The following ATG2A variants were observed in gnomAD, a reference collection of about 807,000 sequenced individuals.
The protein encoded by ATG2A is autophagy-related protein 2 homolog A.
ATG2A carries 103 observed loss-of-function variants against 214.2 expected under a neutral mutation model. The observed-to-expected ratio is 0.48, with a 90% confidence interval of 0.41 to 0.57. The LOEUF (loss-of-function observed/expected upper bound fraction) is 0.57, where lower values mean the gene tolerates loss of function less well. Among genes scored for constraint, ATG2A ranks in the 20% least tolerant of loss-of-function variants. The probability of loss-of-function intolerance (pLI) is 0.00; values close to 1 mark genes in which losing one functional copy is unlikely to be tolerated. For missense variants in ATG2A, 2,312 were observed against 2,613.2 expected (o/e 0.88, Z 2.51); for synonymous variants, 1,160 against 1,142.1 (o/e 1.02, Z -0.32).
At chr11:64,902,776 C>G in intron 26 of ATG2A, 96 bp from the exon 27 acceptor site, 1 of 1,138,012 alleles carries the variant, frequency 8.8e-7, no homozygotes, top group Non-Finnish European at 1.3e-6. Flanking sequence ...AGTTCTGATC[C>G]TGCCACAGGC....
chr11:64,916,098 A>C (rs547017525), intron 1 of ATG2A, among the ~76,000 whole-genome samples: 1 of 152,288 alleles, frequency 6.6e-6, no homozygotes, highest in African/African-American at 2.4e-5. Flanking sequence ...ATCGACCAGG[A>C]CGCGCCTCTA....
In ATG2A at chr11:64,911,890, GCA is replaced by G; in HGVS notation, c.1178_1179del (p.Val393AlafsTer31). The G allele has an allele frequency of 6.2e-7, 1 of 1,613,510 alleles. No homozygotes were observed. The highest frequency in any genetic ancestry group is 8.5e-7 in the Non-Finnish European group (1 of 1,179,840). ...SLSDVDLASS[V>X]RSDMASRRLS... Reference sequence around the variant, plus strand: ...AGCCGGCGGGAGGCCATGTCGCTGCGCACAGAGGAGGCCAGGTCTACATCGGA... The same window carrying G: ...AGCCGGCGGGAGGCCATGTCGCTGCGCAGAGGAGGCCAGGTCTACATCGGA... On this transcript the variant is annotated frameshift_variant, in exon 9 of 41. Transcript: ENST00000377264. LOFTEE classifies it high-confidence loss of function.
chr11:64,908,164 TCCTAG>T (rs1944628399), intron 16 of ATG2A, among the ~76,000 whole-genome samples: 1 of 152,224 alleles, frequency 6.6e-6, no homozygotes, highest in African/African-American at 2.4e-5. Context: ...ACGCCTGTAA[TCCTAG>T]CACTTTGGGA....
chr11:64,913,322 G>T lies in ATG2A; in HGVS notation c.670C>A (p.His224Asn). 9 of 1,608,044 alleles carry T rather than the reference G, an allele frequency of 5.6e-6. No individual in the cohort carries two copies. The highest frequency in any genetic ancestry group is 7.6e-6 in the Non-Finnish European group (9 of 1,178,318). The change falls in exon 5 of 41, where the codon CAC (histidine) becomes AAC (asparagine). Residue 224 changes from histidine (H) to asparagine (N), a missense_variant. Physicochemically the swap from His to Asn is moderately conservative, Grantham distance 68 (BLOSUM62 1). Transcript: ENST00000377264. This position sits in a 1 kb window ranked among gnomAD's most constrained non-coding sequence, Gnocchi z 4.3. ...VDVHQPPAFL[H>N]KLLQLAGVRL... ...ACCCCTGCCAGCTGCAGCAGCTTGT[G>T]CAGGAAGGCAGGCGGCTGATGCACG...
rs145385528 is a variant in ATG2A, at chr11:64,895,138, G to A, written c.5652C>T (p.Gly1884=). ...GCTGGCGGATCACGCCCCCCACGGC[G>A]CCCGTCAGCCCCTTCTGCTCATGGC... ...SRGHEQKGLT[G]AVGGVIRQLP... Residue 1884 remains glycine, a synonymous_variant, in exon 41 of 41, where the codon GGC becomes GGT. Transcript: ENST00000377264. The surrounding 1 kb of genome is among the most constrained non-coding windows in gnomAD (Gnocchi z 5.0). 1.4e-4 allele frequency: 229 copies of A among 1,613,046 alleles called. 2 individuals are homozygous for A. In the African/African-American group the frequency reaches 2.7e-3, roughly 19 times the overall value.
chr11:64,903,686 G>A lies in ATG2A; in HGVS notation c.3465-26C>T. 6.5e-7 allele frequency: 1 copy of A among 1,543,618 alleles called. No individual in the cohort carries two copies. ...CTGGGGGGGAACAGGGCTGAGAAGG[G>A]CCCGGGCACCGCTGCAGGGGGCAGC... On this transcript the variant is annotated intron_variant, in intron 24 of 40. Coordinates refer to ENST00000377264, the MANE Select transcript of ATG2A (RefSeq NM_015104.3). The surrounding 1 kb of genome is among the most constrained non-coding windows in gnomAD (Gnocchi z 4.2).
In ATG2A at chr11:64,917,180, G is replaced by T. The variant is rs777137925; in HGVS notation, c.-45C>A. ...GGGCCGCCTCCGCTTGCCGCCCGCC[G>T]GCGATCCCCGTCCGGCTCCGCTGTT... On this transcript the variant is annotated 5_prime_UTR_variant, in exon 1 of 41. Coordinates refer to ENST00000377264, the MANE Select transcript of ATG2A (RefSeq NM_015104.3). The T allele has an allele frequency of 2.6e-6, 4 of 1,548,646 alleles. No individual in the cohort carries two copies. In the South Asian group the frequency reaches 4.7e-5, roughly 18 times the overall value.
chr11:64,913,542 C>A lies in ATG2A; in HGVS notation c.591-141G>T. 2 of 1,162,806 alleles carry A rather than the reference C, an allele frequency of 1.7e-6. No individual in the cohort carries two copies. 72.0% of individuals were successfully genotyped at this position (1,162,806 alleles called of 1,614,324 possible). Reference sequence around the variant, plus strand: ...CCATCACACCTAGGCCGTCCTGAACCACCATGTCCAGCCCGGAGGCTCAGG... The same window carrying A: ...CCATCACACCTAGGCCGTCCTGAACAACCATGTCCAGCCCGGAGGCTCAGG... On this transcript the variant is annotated intron_variant, in intron 4 of 40. Transcript: ENST00000377264. This position sits in a 1 kb window ranked among gnomAD's most constrained non-coding sequence, Gnocchi z 4.3.
intron 1 of ATG2A, among the ~76,000 whole-genome samples, chr11:64,916,691 G>A (rs1279392495): frequency 1.3e-5 from 2 of 152,072 alleles, no homozygotes; most frequent in Non-Finnish European, 2.9e-5. Context: ...CAAACTCGAC[G>A]AGTTTGTCTT....
chr11:64,910,359 A>T (rs918018633), intron 12 of ATG2A, among the ~76,000 whole-genome samples, 164 bp from the exon 13 acceptor site: 1 of 152,242 alleles, frequency 6.6e-6, no homozygotes, highest in African/African-American at 2.4e-5. Context: ...TTGTTTACTT[A>T]TAAAAGCCAC....
intron 9 of ATG2A, among the ~76,000 whole-genome samples, chr11:64,911,623 A>T (rs1944777054): frequency 6.6e-6 from 1 of 152,188 alleles, no homozygotes; most frequent in African/African-American, 2.4e-5. Flanking sequence ...TGAGTCTCAG[A>T]GAGTTCAAGT....
At position 64,902,504 on chromosome 11, in the gene ATG2A, C is replaced by A. The variant is rs556980647; in HGVS notation, c.3777+12G>T. ...AGCTCTGGTAGCCTGTGTGGCCAGG[C>A]CTCACCTGTACCTTCTGGCCGGCGA... On this transcript the variant is annotated intron_variant, in intron 27 of 40. Transcript: ENST00000377264. 1.7e-5 allele frequency: 27 copies of A among 1,543,562 alleles called. No homozygotes were observed. The Admixed American group carries it at 4.9e-4, about 28-fold the overall frequency.
Position 64,909,968 on chromosome 11 carries a change from C to T in ATG2A, c.1864-44G>A. 1.9e-6 allele frequency: 3 copies of T among 1,575,196 alleles called. No individual in the cohort carries two copies. In the East Asian group the frequency reaches 6.8e-5, roughly 36 times the overall value. On this transcript the variant is annotated intron_variant, in intron 13 of 40. Transcript: ENST00000377264. ...TCAGAGCAGCCGTCGGAGCCCCTCC[C>T]ACTGTGACCAAGAGCCGAAGGACCC... is the stretch of plus-strand genomic sequence containing the variant.
rs568243269 is a variant in ATG2A at position 64,911,087 on chromosome 11, G to A, written c.1417C>T (p.His473Tyr). The change falls in exon 10 of 41, where the codon CAT becomes TAT. Residue 473 changes from histidine to tyrosine, a missense_variant. By Grantham distance (83) the His-to-Tyr change is moderately conservative (BLOSUM62 2). Transcript: ENST00000377264. The stretch of plus-strand genomic sequence containing the variant: ...CTCTGGAAGCGTGGTCGAAGGTGAT[G>A]GAAGTCTCGGGAACCGAAGGGCCCA... ...KDGPFGSRDF[H>Y]HLRPRFQRAC... 1.2e-6 allele frequency: 2 copies of A among 1,614,056 alleles called. No homozygotes were observed. Among genetic ancestry groups the A allele is most frequent in the African/African-American group, 1.3e-5 (1 of 75,050 alleles).
chr11:64,908,031 G>T, intron 16 of ATG2A, 141 bp from the exon 17 acceptor site: 1 of 1,017,046 alleles, frequency 9.8e-7, no homozygotes, highest in Non-Finnish European at 1.4e-6. Context: ...ATGCATGATA[G>T]CCGTACAGAT....
Position 64,906,388 on chromosome 11 carries a change from G to A in ATG2A, c.3129C>T (p.Pro1043=), listed in dbSNP as rs1944549425. Reference sequence around the variant, plus strand: ...TGCGCACAGCAGTGGACAACATGTGGGGTCCCCGGCCCTGGCCCTTGCGGC... The same window carrying A: ...TGCGCACAGCAGTGGACAACATGTGAGGTCCCCGGCCCTGGCCCTTGCGGC... ...ASGRKGQGRG[P]HMLSTAVRIH... is the part of the protein sequence containing the mutation. Residue 1043 remains proline, a synonymous_variant, in exon 21 of 41, where the codon CCC becomes CCT. Coordinates refer to ENST00000377264, the MANE Select transcript of ATG2A (RefSeq NM_015104.3). 6.2e-7 allele frequency: 1 copy of A among 1,613,200 alleles called. No homozygotes were observed. Among genetic ancestry groups the A allele is most frequent in the African/African-American group, 1.3e-5 (1 of 74,942 alleles).
At chr11:64,896,261 G>GC (rs1944145444) in intron 39 of ATG2A, among the ~76,000 whole-genome samples, 1 of 152,208 alleles carries the variant, frequency 6.6e-6, no homozygotes, top group Admixed American at 6.5e-5. Context: ...CTGCATGGGA[G>GC]CCCCTGTGGG....
chr11:64,907,052 G>A (rs775419065), intron 19 of ATG2A, among the ~76,000 whole-genome samples: 1 of 152,232 alleles, frequency 6.6e-6, no homozygotes, highest in Non-Finnish European at 1.5e-5. Context: ...CCGACCCCTA[G>A]CATGGTGCTT....
rs1321029917 is a variant in ATG2A, at chr11:64,912,318, G to A, written c.922+9C>T. On this transcript the variant is annotated intron_variant, in intron 7 of 40. Coordinates refer to ENST00000377264, the MANE Select transcript of ATG2A (RefSeq NM_015104.3). ...GCCACCCCACCCCCATGCCACCCAG[G>A]GGCCTCACCTGTAAGGCTCACGGCG... 1.4e-6 allele frequency: 2 copies of A among 1,387,866 alleles called. No homozygotes were observed. The highest frequency in any genetic ancestry group is 9.7e-7 in the Non-Finnish European group (1 of 1,030,936). 86.0% of individuals were successfully genotyped at this position (1,387,866 alleles called of 1,614,324 possible). A position where few individuals can be genotyped will look rare whatever the true frequency, so the allele number is the denominator to read the frequency against.
Sources: allele counts gnomAD v4.1 joint callset (sites outside exome capture counted in the v4.1 genomes callset), GRCh38; gene constraint gnomAD v4.1.1; non-coding constraint Gnocchi (gnomAD v3.1); transcripts MANE v1.5; gene names NCBI Gene and HGNC (gene_info 2026-07-23, HGNC 2026-07-21).